The following EIF4G3 variants were observed in gnomAD, a reference collection of about 807,000 sequenced individuals.
The protein encoded by EIF4G3 is eukaryotic translation initiation factor 4 gamma 3, also known as eIF-4-gamma 3.
EIF4G3 carries 34 observed loss-of-function variants against 186.4 expected under a neutral mutation model. The ratio of observed to expected loss-of-function variants is 0.18; its 90% confidence interval spans 0.14 to 0.24. EIF4G3 has a LOEUF of 0.24. Among genes scored for constraint, EIF4G3 ranks in the 10% least tolerant of loss-of-function variants. EIF4G3 has a pLI of 1.00. For synonymous variants in EIF4G3, 673 were observed against 679.5 expected (o/e 0.99, Z 0.15); for missense variants, 1,536 against 1,948.5 (o/e 0.79, Z 3.99).
At chr1:20,979,169 A>G (rs2077461899) in intron 10 of EIF4G3, among the ~76,000 whole-genome samples, 1 of 152,182 alleles carries the variant, frequency 6.6e-6, no homozygotes, top group South Asian at 2.1e-4. Context: ...TATGAAGTAA[A>G]AATTTGTTGA....
chr1:20,940,746 T>C (rs1027197963), intron 14 of EIF4G3, among the ~76,000 whole-genome samples: 1 of 152,252 alleles, frequency 6.6e-6, no homozygotes, highest in Non-Finnish European at 1.5e-5. Context: ...TCCTATGGGC[T>C]AACTTATCCT....
chr1:21,073,535 A>C (rs1404205640), intron 3 of EIF4G3: 1 of 381,600 alleles, frequency 2.6e-6, no homozygotes, highest in Non-Finnish European at 5.3e-6. Flanking sequence ...GAACAGCTGA[A>C]TACATTTCAT....
chr1:21,067,244 T>C (rs1056783641), intron 3 of EIF4G3, among the ~76,000 whole-genome samples: 5 of 151,108 alleles, frequency 3.3e-5, no homozygotes, highest in African/African-American at 1.2e-4. Flanking sequence ...GGGATTCTCC[T>C]GCCTCAGCCT....
chr1:21,111,142 CTT>C (rs2096718716), intron 2 of EIF4G3, among the ~76,000 whole-genome samples: 2 of 152,172 alleles, frequency 1.3e-5, no homozygotes, highest in Admixed American at 1.3e-4. Flanking sequence ...GGGCTATAAA[CTT>C]AATCTGTCAC....
At chr1:20,971,840 GC>G (rs1421163988) in intron 11 of EIF4G3, among the ~76,000 whole-genome samples, 2 of 152,302 alleles carry the variant, frequency 1.3e-5, no homozygotes, top group East Asian at 3.9e-4. Context: ...CGCCATGTTG[GC>G]CAGGTTGGTC....
chr1:20,880,297 A>C (rs891721319), intron 19 of EIF4G3, among the ~76,000 whole-genome samples: 2 of 152,248 alleles, frequency 1.3e-5, no homozygotes, highest in African/African-American at 4.8e-5. Context: ...AATCATAAGG[A>C]ATCTGCAAAA....
At chr1:21,112,421 A>G (rs1407368220) in intron 2 of EIF4G3, among the ~76,000 whole-genome samples, 2 of 152,236 alleles carry the variant, frequency 1.3e-5, no homozygotes, top group East Asian at 3.8e-4. Context: ...ACAGTGAACT[A>G]CATTATCTTT....
intron 6 of EIF4G3, among the ~76,000 whole-genome samples, chr1:20,998,494 T>TA (rs2082792016): frequency 6.6e-6 from 1 of 152,192 alleles, no homozygotes; most frequent in African/African-American, 2.4e-5. Flanking sequence ...AGCTAAATCA[T>TA]AGAGTACTTG....
chr1:21,047,205 C>T (rs1447376785), intron 4 of EIF4G3, among the ~76,000 whole-genome samples: 3 of 152,192 alleles, frequency 2.0e-5, no homozygotes, highest in Non-Finnish European at 4.4e-5. Flanking sequence ...CCATTACCAT[C>T]CATGAACTTG....
intron 2 of EIF4G3, among the ~76,000 whole-genome samples, chr1:21,166,187 T>C (rs2097852990): frequency 6.7e-6 from 1 of 149,906 alleles, no homozygotes; most frequent in African/African-American, 2.5e-5. Context: ...GGCACTTTGG[T>C]AGGCCAAAGC....
At chr1:20,854,486 G>A (rs1464616142) in intron 26 of EIF4G3, among the ~76,000 whole-genome samples, 2 of 149,874 alleles carry the variant, frequency 1.3e-5, no homozygotes, top group African/African-American at 2.5e-5. Flanking sequence ...TGCAGCCCAC[G>A]AGTGCAAGAC....
intron 2 of EIF4G3, among the ~76,000 whole-genome samples, chr1:21,141,832 G>A (rs1285760837): frequency 6.6e-6 from 1 of 151,934 alleles, no homozygotes; most frequent in Non-Finnish European, 1.5e-5. Context: ...TAGAGAGGTT[G>A]AAGGGGAAGA....
intron 12 of EIF4G3, among the ~76,000 whole-genome samples, chr1:20,950,413 A>C (rs542982625): frequency 1.7e-4 from 26 of 152,258 alleles, no homozygotes; most frequent in African/African-American, 6.3e-4. Context: ...CCTTCTAAGG[A>C]CAAGCCGACT....
At chr1:20,858,876 A>C (rs2075699708) in intron 24 of EIF4G3, among the ~76,000 whole-genome samples, 1 of 152,192 alleles carries the variant, frequency 6.6e-6, no homozygotes, top group African/African-American at 2.4e-5. Flanking sequence ...GGGCGCCTGT[A>C]ATCCCAGCCA....
chr1:20,944,348 C>G (rs147621762), intron 13 of EIF4G3, among the ~76,000 whole-genome samples: 92 of 151,894 alleles, frequency 6.1e-4, no homozygotes, highest in Admixed American at 2.6e-3. Flanking sequence ...GACCTTTTGT[C>G]TACAAAAAAT....
At chr1:21,149,487 T>G (rs2097516730) in intron 2 of EIF4G3, among the ~76,000 whole-genome samples, 1 of 152,214 alleles carries the variant, frequency 6.6e-6, no homozygotes, top group South Asian at 2.1e-4. Flanking sequence ...CCTATCCAGA[T>G]ATACGGTATT....
intron 3 of EIF4G3, among the ~76,000 whole-genome samples, chr1:21,052,446 C>T (rs2094277652): frequency 6.6e-6 from 1 of 152,146 alleles, no homozygotes; most frequent in African/African-American, 2.4e-5. Context: ...TTCTCAGAAT[C>T]GTGTTATTAA....
chr1:21,060,210 A>G (rs1291576833), intron 3 of EIF4G3, among the ~76,000 whole-genome samples: 1 of 152,184 alleles, frequency 6.6e-6, no homozygotes. Context: ...TTGGCCCTCC[A>G]AAGTGCTGAA....
chr1:20,986,931 A>C (rs2079696650), intron 7 of EIF4G3, among the ~76,000 whole-genome samples: 1 of 152,108 alleles, frequency 6.6e-6, no homozygotes, highest in Admixed American at 6.6e-5. Flanking sequence ...TTATTAATAC[A>C]CCAGAAGGAT....
Sources: gnomAD v4.1 joint callset for allele counts (sites outside exome capture counted in the v4.1 genomes callset) on GRCh38, gnomAD v4.1.1 for gene constraint, MANE v1.5 for transcripts, NCBI Gene and HGNC (gene_info 2026-07-23, HGNC 2026-07-21) for gene names.